Variants in TATDN1 observed in about 807,000 individuals in gnomAD.
TATDN1 encodes TatD DNase domain containing 1, also known as deoxyribonuclease TATDN1.
TATDN1 carries 40 observed loss-of-function variants against 46.4 expected under a neutral mutation model. That is an observed-to-expected ratio of 0.86 (90% CI 0.67 to 1.12). TATDN1 has a LOEUF of 1.12. Ranked by LOEUF, TATDN1 falls within the 50% of genes most tolerant of loss-of-function variation. The pLI, the probability that TATDN1 is intolerant of heterozygous loss-of-function variation, is 0.00. For synonymous variants in TATDN1, 95 were observed against 105.6 expected (o/e 0.90, Z 0.62); for missense variants, 326 against 348.4 (o/e 0.94, Z 0.51).
intron 8 of TATDN1, among the ~76,000 whole-genome samples, chr8:124,507,322 G>T (rs1256432962): frequency 6.6e-5 from 10 of 152,216 alleles, no homozygotes; most frequent in Admixed American, 6.5e-4. Context: ...GATCAGAATA[G>T]TAGGTGAATA....
chr8:124,527,818 T>C (rs1444307455), intron 1 of TATDN1, among the ~76,000 whole-genome samples: 1 of 151,190 alleles, frequency 6.6e-6, no homozygotes, highest in Non-Finnish European at 1.5e-5. Flanking sequence ...ATCCCTACGA[T>C]AGCCAATTGG....
chr8:124,489,374 C>G (rs1334461538), intron 11 of TATDN1: 1 of 151,680 alleles, frequency 6.6e-6, no homozygotes, highest in Non-Finnish European at 1.5e-5. Context: ...CCCTTCCCTC[C>G]CTTCCTTTCC....
chr8:124,488,802 T>C (rs1004116727), intron 11 of TATDN1, 106 bp from the exon 12 acceptor site: 3 of 704,706 alleles, frequency 4.3e-6, no homozygotes, highest in Admixed American at 5.4e-5. Flanking sequence ...ACACCTTTAA[T>C]ATAATAAAGC....
In TATDN1 at chr8:124,512,155, G is replaced by A. The variant is rs544760491; in HGVS notation, c.390-3467C>T. Reference sequence around the variant, plus strand: ...AAACAAATCATGGCCGGGTGCAGTGGCTCATGCCTGTAACCCTAGCACTTT... The same window carrying A: ...AAACAAATCATGGCCGGGTGCAGTGACTCATGCCTGTAACCCTAGCACTTT... On this transcript the variant is annotated intron_variant, in intron 6 of 11. Coordinates refer to ENST00000276692, the MANE Select transcript of TATDN1 (RefSeq NM_032026.4). Among the ~76,000 whole-genome samples, 9 of 152,282 alleles carry A rather than the reference G, an allele frequency of 5.9e-5. No individual in the cohort carries two copies. In the East Asian group the frequency reaches 1.7e-3, roughly 29 times the overall value.
intron 1 of TATDN1, among the ~76,000 whole-genome samples, chr8:124,525,162 T>G (rs1226873704): frequency 2.6e-5 from 4 of 152,142 alleles, no homozygotes; most frequent in Non-Finnish European, 5.9e-5. Flanking sequence ...ATTTTTCTTT[T>G]TAAGACAGAG....
rs139777054 is a variant in TATDN1, at chr8:124,512,143, C to T, written c.390-3455G>A. Among the ~76,000 whole-genome samples the T allele has an allele frequency of 1.3e-3, 199 of 152,278 alleles. 2 individuals carry two copies. The East Asian group carries it at 0.029, about 22-fold the overall frequency. On this transcript the variant is annotated intron_variant, in intron 6 of 11. Coordinates refer to ENST00000276692, the MANE Select transcript of TATDN1 (RefSeq NM_032026.4). ...ATATTTACTTAAAAACAAATCATGG[C>T]CGGGTGCAGTGGCTCATGCCTGTAA... is the stretch of plus-strand genomic sequence containing the variant.
At chr8:124,523,821 G>A (rs1398745521) in intron 1 of TATDN1, among the ~76,000 whole-genome samples, 2 of 152,252 alleles carry the variant, frequency 1.3e-5, no homozygotes, top group East Asian at 1.9e-4. Context: ...AAGGAAGGGA[G>A]AGGTCAGAAG....
chr8:124,508,725 T>C (rs1368516713), intron 6 of TATDN1, 37 bp from the exon 7 acceptor site: 6 of 1,338,310 alleles, frequency 4.5e-6, no homozygotes, highest in East Asian at 2.5e-5. Flanking sequence ...TCATTACAAA[T>C]TGTATTTTAG....
rs16899639 is a variant in TATDN1 at position 124,491,534 on chromosome 8, A to G, written c.791+2299T>C. 5 of 152,358 alleles carry G rather than the reference A, an allele frequency of 3.3e-5. No individual in the cohort carries two copies. In the South Asian group the frequency reaches 8.3e-4, roughly 25 times the overall value. 9.4% of individuals were successfully genotyped at this position (152,358 alleles called of 1,614,324 possible). A position where few individuals can be genotyped will look rare whatever the true frequency, so the allele number is the denominator to read the frequency against. On this transcript the variant is annotated intron_variant, in intron 11 of 11. Coordinates refer to ENST00000276692, the MANE Select transcript of TATDN1 (RefSeq NM_032026.4). ...TTCCTACTTGTATAACAGCACTACT[A>G]TCTTGGACTCTGTCTGCTTATGTGC...
rs184042225 is a variant in TATDN1 at position 124,538,637 on chromosome 8, T to C, written c.22+388A>G. ...ATGAACGAATGAATGCTTGAGTGAA[T>C]TGGTCCCCAGAAGCGGTCAGCCTCT... On this transcript the variant is annotated intron_variant, in intron 1 of 11. Coordinates refer to ENST00000276692, the MANE Select transcript of TATDN1 (RefSeq NM_032026.4). 2.2e-4 allele frequency among the ~76,000 whole-genome samples: 34 copies of C among 152,264 alleles called. No individual in the cohort carries two copies. In the East Asian group the frequency reaches 6.2e-3, roughly 28 times the overall value.
chr8:124,509,565 T>G (rs369701506), intron 6 of TATDN1, among the ~76,000 whole-genome samples: 1 of 152,236 alleles, frequency 6.6e-6, no homozygotes, highest in Admixed American at 6.5e-5. Flanking sequence ...TATTATTTTC[T>G]TAAATGTGCT....
chr8:124,504,368 GT>G, intron 8 of TATDN1, 21 bp from the exon 9 acceptor site: 1 of 1,481,814 alleles, frequency 6.7e-7, no homozygotes, highest in Non-Finnish European at 9.1e-7. Context: ...ACAGGTATAA[GT>G]TTATTATTAT....
intron 10 of TATDN1, 28 bp downstream of exon 10, chr8:124,495,444 T>A: frequency 6.4e-7 from 1 of 1,563,984 alleles, no homozygotes; most frequent in South Asian, 1.2e-5. Context: ...TGGTTTAATA[T>A]GAAACAAAGT....
chr8:124,510,024 C>G (rs1269210353), intron 6 of TATDN1, among the ~76,000 whole-genome samples: 1 of 131,154 alleles, frequency 7.6e-6, no homozygotes, highest in Non-Finnish European at 1.6e-5. Flanking sequence ...GAGCAACATT[C>G]TGTCTCAAAA....
intron 1 of TATDN1, among the ~76,000 whole-genome samples, chr8:124,532,663 C>T (rs966386184): frequency 6.6e-6 from 1 of 152,218 alleles, no homozygotes; most frequent in Non-Finnish European, 1.5e-5. Context: ...TCATGGGCAA[C>T]TCCAAAGACA....
intron 11 of TATDN1, among the ~76,000 whole-genome samples, chr8:124,493,461 A>G (rs1226310954): frequency 6.6e-6 from 1 of 152,184 alleles, no homozygotes; most frequent in Non-Finnish European, 1.5e-5. Context: ...AAAACGTGCT[A>G]AAGTCCCACC....
intron 2 of TATDN1, 134 bp downstream of exon 2, chr8:124,522,802 GC>G: frequency 1.3e-6 from 1 of 751,716 alleles, no homozygotes; most frequent in East Asian, 2.5e-5. Context: ...CAATCCTCCT[GC>G]CTCAGACTCC....
intron 9 of TATDN1, among the ~76,000 whole-genome samples, chr8:124,495,927 CTACTT>C (rs1239641323): frequency 6.6e-6 from 1 of 152,196 alleles, no homozygotes; most frequent in African/African-American, 2.4e-5. Context: ...ATTCTTCACT[CTACTT>C]TAGCAGAATT....
rs184878485 is a variant in TATDN1, at chr8:124,515,337, C to T, written c.389+409G>A. On this transcript the variant is annotated intron_variant, in intron 6 of 11. Coordinates refer to ENST00000276692, the MANE Select transcript of TATDN1 (RefSeq NM_032026.4). Reference sequence around the variant, plus strand: ...TGGAGGTTGCGGTGAGCTGAGATCACGCCTCTGCACTCCAGCCTGGGCGAC... The same window carrying T: ...TGGAGGTTGCGGTGAGCTGAGATCATGCCTCTGCACTCCAGCCTGGGCGAC... Among the ~76,000 whole-genome samples, 537 of 152,192 alleles carry T rather than the reference C, an allele frequency of 3.5e-3. 6 individuals carry two copies. Among genetic ancestry groups the T allele is most frequent in the Middle Eastern group, 0.014 (4 of 294 alleles).
Sources: allele counts gnomAD v4.1 joint callset (sites outside exome capture counted in the v4.1 genomes callset), GRCh38; gene constraint gnomAD v4.1.1; transcripts MANE v1.5; gene names NCBI Gene and HGNC (gene_info 2026-07-23, HGNC 2026-07-21).